The following GABRA4 variants were observed in gnomAD, a reference collection of about 807,000 sequenced individuals.
GABRA4 encodes gamma-aminobutyric acid receptor subunit alpha-4.
A neutral mutation model predicts 49.7 loss-of-function variants in GABRA4; 12 were observed. The ratio of observed to expected loss-of-function variants is 0.24; its 90% CI spans 0.15 to 0.39. The LOEUF (loss-of-function observed/expected upper bound fraction) is 0.39. Ranked by LOEUF, GABRA4 falls within the 10% of genes least tolerant of loss-of-function variation. The pLI is 1.00. For synonymous variants in GABRA4, 288 were observed against 240.2 expected (o/e 1.20, Z -1.84); for missense variants, 506 against 686.0 (o/e 0.74, Z 2.93).
At position 46,971,224 on chromosome 4, in the gene GABRA4, C is replaced by T. The variant is rs752761200; in HGVS notation, c.733G>A (p.Val245Ile). The T allele has an allele frequency of 1.9e-6, 3 of 1,608,984 alleles. No individual in the cohort carries two copies. Among genetic ancestry groups the T allele is most frequent in the East Asian group, 2.2e-5 (1 of 44,698 alleles). ...CTGAGGTGGAAGTAAACCGTCATAA[C>T]AATATATTCACCTGCCAAGAAAACA... ...TIKSITGEYI[V>I]MTVYFHLRRK... Residue 245 changes from valine (V) to isoleucine (I), a missense_variant, in exon 7 of 9, where the codon GTT (valine) becomes ATT (isoleucine). This residue lies in a region of GABRA4 where 195 missense variants were observed against 326.0 expected (regional missense o/e 0.60). Transcript: ENST00000264318.
Position 46,927,833 on chromosome 4 carries a change from T to C in GABRA4, c.*392A>G, listed in dbSNP as rs878944859. ...TATGACATCTAATAAACAATTCTGG[T>C]TAAGGGTAGTGCCACTGGGAAATTT... On this transcript the variant is annotated 3_prime_UTR_variant, in exon 9 of 9. Transcript: ENST00000264318. The C allele has an allele frequency of 2.4e-5, 4 of 168,976 alleles. No homozygotes were observed. The South Asian group carries it at 4.3e-4, about 18-fold the overall frequency. 10.5% of individuals were successfully genotyped at this position (168,976 alleles called of 1,614,324 possible).
intron 2 of GABRA4, among the ~76,000 whole-genome samples, chr4:46,979,685 C>G (rs1723280773): frequency 6.6e-6 from 1 of 151,908 alleles, no homozygotes; most frequent in Non-Finnish European, 1.5e-5. Flanking sequence ...CAATCTTGTG[C>G]AAGTTATTTA....
chr4:46,938,343 T>C (rs1426812876), intron 8 of GABRA4, among the ~76,000 whole-genome samples: 1 of 152,124 alleles, frequency 6.6e-6, no homozygotes, highest in Non-Finnish European at 1.5e-5. Context: ...TCCAGAAAGA[T>C]TCAAGTCCAT....
Position 46,926,341 on chromosome 4 carries a change from C to T in GABRA4, c.*1884G>A, listed in dbSNP as rs995770018. ...ACAGGTGTTACTGGACCTAATTTTA[C>T]TAGAATCAATTTTAAATTGGGGGGT... On this transcript the variant is annotated 3_prime_UTR_variant, in exon 9 of 9. Transcript: ENST00000264318. The T allele has an allele frequency of 4.0e-5, 6 of 151,808 alleles. No individual in the cohort carries two copies. The highest frequency in any genetic ancestry group is 1.5e-4 in the African/African-American group (6 of 41,368). The allele number at this position is 151,808 out of a possible 1,614,324, so 9.4% of individuals were successfully genotyped here.
chr4:46,971,378 A>T, intron 6 of GABRA4, 143 bp from the exon 7 acceptor site: 1 of 714,238 alleles, frequency 1.4e-6, no homozygotes. Context: ...ATCAATAAGT[A>T]TGTAGTTTCC....
intron 1 of GABRA4, 24 bp from the exon 2 acceptor site, chr4:46,992,970 G>C (rs145913970): frequency 3.8e-6 from 5 of 1,309,660 alleles, no homozygotes; most frequent in South Asian, 2.3e-5. Context: ...AAAAAAAACC[G>C]GGGGCGGAGG....
intron 8 of GABRA4, among the ~76,000 whole-genome samples, chr4:46,937,373 A>G (rs2109343794): frequency 6.6e-6 from 1 of 152,348 alleles, no homozygotes; most frequent in African/African-American, 2.4e-5. Context: ...GGAAACTAAA[A>G]GAATAATCTA....
chr4:46,950,262 C>G (rs953409694), intron 8 of GABRA4, among the ~76,000 whole-genome samples: 1 of 152,026 alleles, frequency 6.6e-6, no homozygotes, highest in East Asian at 1.9e-4. Flanking sequence ...CTACTGAGAC[C>G]ATTAGGATGC....
At position 46,920,826 on chromosome 4, in the gene GABRA4, T is replaced by C. The variant is rs967116497; in HGVS notation, c.*7399A>G. 2 of 151,876 alleles carry C rather than the reference T, an allele frequency of 1.3e-5. No homozygotes were observed. The highest frequency in any genetic ancestry group is 6.6e-5 in the Admixed American group (1 of 15,242). 9.4% of individuals were successfully genotyped at this position (151,876 alleles called of 1,614,324 possible). A position where few individuals can be genotyped will look rare whatever the true frequency, so the allele number is the denominator to read the frequency against. ...GTAGAAAAATTAAAGAAGACTATAA[T>C]TAGTTTTAAATCTTAGTGTTAATAT... On this transcript the variant is annotated 3_prime_UTR_variant, in exon 9 of 9. Coordinates refer to ENST00000264318, the MANE Select transcript of GABRA4 (RefSeq NM_000809.4).
intron 8 of GABRA4, among the ~76,000 whole-genome samples, chr4:46,954,091 G>C (rs1722261411): frequency 6.6e-6 from 1 of 152,112 alleles, no homozygotes; most frequent in African/African-American, 2.4e-5. Context: ...TCTCCAGCAA[G>C]TAATAAGCAC....
At chr4:46,942,891 C>A (rs1004976520) in intron 8 of GABRA4, among the ~76,000 whole-genome samples, 1 of 152,020 alleles carries the variant, frequency 6.6e-6, no homozygotes, top group Admixed American at 6.6e-5. Flanking sequence ...ATATTTATAT[C>A]AATATCATAA....
intron 8 of GABRA4, among the ~76,000 whole-genome samples, chr4:46,941,660 C>G (rs113733110): frequency 2.7e-4 from 41 of 152,162 alleles, no homozygotes; most frequent in African/African-American, 9.4e-4. Flanking sequence ...AATAGTGTAA[C>G]TTTCCACTTC....
At chr4:46,981,732 T>C (rs1370273216) in intron 2 of GABRA4, among the ~76,000 whole-genome samples, 1 of 152,108 alleles carries the variant, frequency 6.6e-6, no homozygotes, top group East Asian at 1.9e-4. Context: ...AATGCTATCA[T>C]TTCTAAGAGG....
At chr4:46,963,377 CA>C (rs1722646234) in intron 8 of GABRA4, among the ~76,000 whole-genome samples, 1 of 151,746 alleles carries the variant, frequency 6.6e-6, no homozygotes. Flanking sequence ...AGGAGGGACC[CA>C]GGGGGAAGTA....
chr4:46,944,152 A>T (rs1014558582), intron 8 of GABRA4, among the ~76,000 whole-genome samples: 1 of 152,140 alleles, frequency 6.6e-6, no homozygotes, highest in Non-Finnish European at 1.5e-5. Context: ...ACAAAAAAGT[A>T]TCTATGTTAA....
intron 8 of GABRA4, among the ~76,000 whole-genome samples, chr4:46,955,009 A>T (rs1478622798): frequency 6.6e-6 from 1 of 152,122 alleles, no homozygotes; most frequent in Admixed American, 6.6e-5. Context: ...ATGTAAAGCA[A>T]CTAGCACAGT....
rs1400932339 is a variant in GABRA4, at chr4:46,926,113, C to T, written c.*2112G>A. The stretch of plus-strand genomic sequence containing the variant: ...ACAACAACAACAACAACAAAACCAG[C>T]CTTTTCATCAGAATAGTGAACTATC... On this transcript the variant is annotated 3_prime_UTR_variant, in exon 9 of 9. Transcript: ENST00000264318. The T allele has an allele frequency of 6.6e-6, 1 of 151,614 alleles. No individual in the cohort carries two copies. The highest frequency in any genetic ancestry group is 2.4e-5 in the African/African-American group (1 of 41,344). The allele number at this position is 151,614 out of a possible 1,614,324, so 9.4% of individuals were successfully genotyped here. A position where few individuals can be genotyped will look rare whatever the true frequency, so the allele number is the denominator to read the frequency against.
intron 8 of GABRA4, among the ~76,000 whole-genome samples, chr4:46,932,667 T>C (rs1269787924): frequency 6.6e-6 from 1 of 152,208 alleles, no homozygotes; most frequent in African/African-American, 2.4e-5. Flanking sequence ...TATTCAATTA[T>C]GGATTCCTGT....
intron 3 of GABRA4, among the ~76,000 whole-genome samples, chr4:46,978,739 T>C (rs1412856655): frequency 1.2e-5 from 1 of 81,294 alleles, no homozygotes. Context: ...AAAAGAAAAG[T>C]AAAAAGGAAA....
Sources: gnomAD v4.1 joint callset for allele counts (sites outside exome capture counted in the v4.1 genomes callset) on GRCh38, gnomAD v4.1.1 for gene constraint, gnomAD v4.1.1 regional missense constraint, MANE v1.5 for transcripts, NCBI Gene and HGNC (gene_info 2026-07-23, HGNC 2026-07-21) for gene names.